The following SNTG1 variants were observed in gnomAD, a reference collection of about 807,000 sequenced individuals.
SNTG1 encodes gamma-1-syntrophin.
Under a neutral mutation model 74.7 loss-of-function variants are expected in SNTG1, and 39 were observed. The ratio of observed to expected loss-of-function variants is 0.52; its 90% confidence interval spans 0.40 to 0.68. SNTG1 has a LOEUF of 0.68. SNTG1 is among the 30% of genes least tolerant of loss of function. The pLI is 0.00. For missense variants in SNTG1, 685 were observed against 609.5 expected (o/e 1.12, Z -1.30); for synonymous variants, 254 against 217.1 (o/e 1.17, Z -1.49).
chr8:50,048,336 T>C (rs1469980588), intron 1 of SNTG1, among the ~76,000 whole-genome samples: 1 of 151,894 alleles, frequency 6.6e-6, no homozygotes, highest in East Asian at 1.9e-4. Context: ...AGTAAAATAG[T>C]TGTATATATG....
chr8:50,553,043 TCTGCAGGCAGA>T lies in SNTG1; in HGVS notation c.681-6_685del, dbSNP rs1332244651. On this transcript the variant is annotated splice_acceptor_variant and splice_polypyrimidine_tract_variant and coding_sequence_variant and intron_variant, in exon 12 of 19. Transcript: ENST00000642720. LOFTEE classifies it high-confidence loss of function. ...GTTTTGATCTGATTTGTTCTGAACA[TCTGCAGGCAGA>T]ATGCCTTTCAAGTCATTGCTGTGGA... 1 of 1,613,766 alleles carries T rather than the reference TCTGCAGGCAGA, an allele frequency of 6.2e-7. No homozygotes were observed. The highest frequency in any genetic ancestry group is 8.5e-7 in the Non-Finnish European group (1 of 1,179,744).
chr8:50,132,091 T>C (rs1002258310), intron 1 of SNTG1, among the ~76,000 whole-genome samples: 2 of 152,162 alleles, frequency 1.3e-5, no homozygotes, highest in Non-Finnish European at 2.9e-5. Context: ...CTTTGTAATA[T>C]AATTTGAAAT....
intron 2 of SNTG1, among the ~76,000 whole-genome samples, chr8:50,350,760 A>G (rs924764864): frequency 6.6e-6 from 1 of 152,154 alleles, no homozygotes; most frequent in African/African-American, 2.4e-5. Context: ...TAGCTAATCT[A>G]GCAGGGATGT....
chr8:50,596,208 T>C (rs1326112045), intron 13 of SNTG1, among the ~76,000 whole-genome samples: 1 of 152,152 alleles, frequency 6.6e-6, no homozygotes, highest in East Asian at 1.9e-4. Context: ...AATAATGATG[T>C]TGAGCATCTT....
chr8:50,707,638 A>G (rs1010826155), intron 16 of SNTG1, among the ~76,000 whole-genome samples: 1 of 152,190 alleles, frequency 6.6e-6, no homozygotes, highest in Non-Finnish European at 1.5e-5. Context: ...TATAAAAACA[A>G]ATACAATGCA....
Position 50,656,934 on chromosome 8 carries a change from C to G in SNTG1, c.875C>G (p.Ala292Gly). 1 of 1,603,798 alleles carries G rather than the reference C, an allele frequency of 6.2e-7. No individual in the cohort carries two copies. The highest frequency in any genetic ancestry group is 8.5e-7 in the Non-Finnish European group (1 of 1,174,662). ...QQIVYMGWCE[A>G]REQDPLQDRV... is the part of the protein sequence containing the mutation. ...ATTGTCTACATGGGCTGGTGTGAAGCCCGGGAGCAAGACCCCCTCCAGGAC... is the reference window on the plus strand; with the variant it reads ...ATTGTCTACATGGGCTGGTGTGAAGGCCGGGAGCAAGACCCCCTCCAGGAC... The change falls in exon 14 of 19, where the codon GCC becomes GGC. Residue 292 changes from alanine to glycine, a missense_variant. Transcript: ENST00000642720.
chr8:50,310,396 A>G (rs769318668), intron 2 of SNTG1, among the ~76,000 whole-genome samples: 11 of 152,224 alleles, frequency 7.2e-5, no homozygotes, highest in Non-Finnish European at 1.3e-4. Context: ...TTTATTTAAT[A>G]TAAGTATCCT....
At chr8:50,320,954 A>T (rs2090505753) in intron 2 of SNTG1, among the ~76,000 whole-genome samples, 1 of 152,108 alleles carries the variant, frequency 6.6e-6, no homozygotes, top group Non-Finnish European at 1.5e-5. Context: ...TTTAAGAATG[A>T]TCCACATGCT....
At position 50,122,836 on chromosome 8, in the gene SNTG1, A is replaced by G. The variant is rs532092538; in HGVS notation, c.-102-49725A>G. On this transcript the variant is annotated intron_variant, in intron 1 of 18. Transcript: ENST00000642720. ...TCCTCATAGAAAACCAAATTGTATG[A>G]GCTCTCACAGGAAGAATGCACCAAA... 1.4e-3 allele frequency among the ~76,000 whole-genome samples: 201 copies of G among 142,548 alleles called. 23 individuals are homozygous for G. Among genetic ancestry groups the G allele is most frequent in the African/African-American group, 4.9e-3 (193 of 39,462 alleles). The allele number at this position is 142,548 out of a possible 152,430, so 93.5% of individuals were successfully genotyped here.
chr8:50,783,882 A>G (rs886222970), intron 18 of SNTG1, among the ~76,000 whole-genome samples: 3 of 152,184 alleles, frequency 2.0e-5, no homozygotes, highest in Admixed American at 6.5e-5. Context: ...TCTTGGTATG[A>G]TGAGTGATCT....
At chr8:50,443,709 C>T (rs1255072784) in intron 5 of SNTG1, among the ~76,000 whole-genome samples, 1 of 152,078 alleles carries the variant, frequency 6.6e-6, no homozygotes, top group African/African-American at 2.4e-5. Flanking sequence ...CCCTAGAAGC[C>T]GATGACAAAG....
chr8:50,448,461 T>G (rs190883510), intron 5 of SNTG1, among the ~76,000 whole-genome samples: 1 of 152,224 alleles, frequency 6.6e-6, no homozygotes, highest in African/African-American at 2.4e-5. Context: ...AAACAAAAGC[T>G]TAGGTGGTTT....
chr8:50,786,300 A>T (rs2095674986), intron 18 of SNTG1, among the ~76,000 whole-genome samples: 1 of 152,012 alleles, frequency 6.6e-6, no homozygotes, highest in African/African-American at 2.4e-5. Flanking sequence ...TAAGGAATAC[A>T]TTTAACAAAA....
chr8:50,175,996 G>A (rs887299945), intron 2 of SNTG1, among the ~76,000 whole-genome samples: 1 of 152,082 alleles, frequency 6.6e-6, no homozygotes, highest in Non-Finnish European at 1.5e-5. Context: ...GTCACAACTG[G>A]GTACCTGCCC....
At chr8:50,209,653 G>A (rs1291741794) in intron 2 of SNTG1, among the ~76,000 whole-genome samples, 1 of 152,232 alleles carries the variant, frequency 6.6e-6, no homozygotes, top group Non-Finnish European at 1.5e-5. Context: ...ACCTGCAGCT[G>A]AGGGTCCTGA....
chr8:50,147,889 C>A lies in SNTG1; in HGVS notation c.-102-24672C>A, dbSNP rs61105351. Among the ~76,000 whole-genome samples the A allele has an allele frequency of 4.7e-3, 715 of 152,208 alleles. 8 individuals are homozygous for A. Among genetic ancestry groups the A allele is most frequent in the African/African-American group, 0.016 (675 of 41,518 alleles). On this transcript the variant is annotated intron_variant, in intron 1 of 18. Transcript: ENST00000642720. The stretch of plus-strand genomic sequence containing the variant: ...AATATTACTCTCTAATGAAATGAAC[C>A]AGGATTTCCTGGAAAAATGGCTGAT...
intron 2 of SNTG1, among the ~76,000 whole-genome samples, chr8:50,188,846 G>A (rs1453367225): frequency 6.6e-6 from 1 of 152,102 alleles, no homozygotes; most frequent in East Asian, 1.9e-4. Flanking sequence ...CTAAAGGCCT[G>A]CACTGTGACT....
At chr8:50,067,253 CT>C (rs541740641) in intron 1 of SNTG1, among the ~76,000 whole-genome samples, 27 of 151,234 alleles carry the variant, frequency 1.8e-4, no homozygotes, top group South Asian at 8.4e-4. Flanking sequence ...ACATATGTGG[CT>C]TTTTTTTTAC....
chr8:50,069,894 G>A (rs1043230863), intron 1 of SNTG1, among the ~76,000 whole-genome samples: 7 of 151,906 alleles, frequency 4.6e-5, no homozygotes, highest in Admixed American at 1.3e-4. Context: ...TAAGGCCATC[G>A]GACTCCCCTG....
Sources: allele counts gnomAD v4.1 joint callset (sites outside exome capture counted in the v4.1 genomes callset), GRCh38; gene constraint gnomAD v4.1.1; transcripts MANE v1.5; gene names NCBI Gene and HGNC (gene_info 2026-07-23, HGNC 2026-07-21).